Variants in ME1 observed in about 807,000 individuals in gnomAD.
ME1 encodes the protein malic enzyme 1.
Under a neutral mutation model 66.4 loss-of-function variants are expected in ME1, and 74 were observed. That is an observed-to-expected ratio of 1.11 (90% CI 0.92 to 1.35). The LOEUF is 1.35. ME1 is among the 40% of genes most tolerant of loss of function. ME1 has a pLI of 0.00. For synonymous variants in ME1, 251 were observed against 235.6 expected (o/e 1.07, Z -0.60); for missense variants, 750 against 694.1 (o/e 1.08, Z -0.90).
Position 83,347,799 on chromosome 6 carries a change from A to G in ME1, c.439-1465T>C, listed in dbSNP as rs1183742256. ...TATAAAGTTATAGCATTTTAGATGT[A>G]AAGAGAAATCTAAAGTATATTCCAT... is the stretch of plus-strand genomic sequence containing the variant. On this transcript the variant is annotated intron_variant, in intron 4 of 13. Transcript: ENST00000369705. Among the ~76,000 whole-genome samples the G allele has an allele frequency of 3.3e-5, 5 of 152,296 alleles. No homozygotes were observed. In the South Asian group the frequency reaches 6.2e-4, roughly 19 times the overall value.
At chr6:83,276,414 C>G (rs968535053) in intron 6 of ME1, among the ~76,000 whole-genome samples, 4 of 152,152 alleles carry the variant, frequency 2.6e-5, no homozygotes, top group African/African-American at 9.7e-5. Context: ...AGTTGTGATG[C>G]AAAGCATGAC....
chr6:83,287,182 T>C (rs1214886467), intron 6 of ME1, among the ~76,000 whole-genome samples: 1 of 152,202 alleles, frequency 6.6e-6, no homozygotes, highest in Non-Finnish European at 1.5e-5. Context: ...TACTTGAAGT[T>C]CTGGGTTACA....
chr6:83,390,426 AT>A (rs1769599061), intron 3 of ME1, among the ~76,000 whole-genome samples: 1 of 152,172 alleles, frequency 6.6e-6, no homozygotes, highest in Admixed American at 6.5e-5. Flanking sequence ...TAAAAATAAA[AT>A]TCATCTATAT....
rs569024174 is a variant in ME1, at chr6:83,233,982, T to G, written c.1026+3735A>C. Among the ~76,000 whole-genome samples the G allele has an allele frequency of 4.6e-5, 7 of 152,222 alleles. No homozygotes were observed. The South Asian group carries it at 1.5e-3, about 32-fold the overall frequency. On this transcript the variant is annotated intron_variant, in intron 9 of 13. Coordinates refer to ENST00000369705, the MANE Select transcript of ME1 (RefSeq NM_002395.6). ...TTAAATATATAACAACCTTTTAAAA[T>G]GTAATTTTATCTTGGCAAGCAGAAT...
intron 5 of ME1, among the ~76,000 whole-genome samples, chr6:83,331,585 CAA>C (rs1222661961): frequency 3.8e-4 from 28 of 73,176 alleles, no homozygotes; most frequent in Admixed American, 8.1e-4. Context: ...GACTCCATCT[CAA>C]AAAAAAAAAA....
At chr6:83,405,314 CT>C (rs1769918859) in intron 2 of ME1, among the ~76,000 whole-genome samples, 2 of 152,112 alleles carry the variant, frequency 1.3e-5, no homozygotes, top group Admixed American at 1.3e-4. Context: ...GCTTGTCTAT[CT>C]TTGGTGTGAA....
At position 83,299,020 on chromosome 6, in the gene ME1, G is replaced by A. The variant is rs1274732961; in HGVS notation, c.704+16290C>T. Among the ~76,000 whole-genome samples, 3 of 135,466 alleles carry A rather than the reference G, an allele frequency of 2.2e-5. No homozygotes were observed. The Admixed American group carries it at 2.4e-4, about 11-fold the overall frequency. The allele number at this position is 135,466 out of a possible 152,430, so 88.9% of individuals were successfully genotyped here. On this transcript the variant is annotated intron_variant, in intron 6 of 13. Coordinates refer to ENST00000369705, the MANE Select transcript of ME1 (RefSeq NM_002395.6). The stretch of plus-strand genomic sequence containing the variant: ...ACTGTAGCCTTGTGTATAGTTTGAA[G>A]TAGGGTAGTGTGATGCCTCCAGCTT...
intron 6 of ME1, among the ~76,000 whole-genome samples, chr6:83,281,230 T>C (rs537282097): frequency 1.5e-4 from 23 of 152,304 alleles, no homozygotes; most frequent in African/African-American, 4.6e-4. Context: ...GGATGTTTAA[T>C]ATAACCTTTC....
chr6:83,397,118 C>CA (rs1769748403), intron 3 of ME1, among the ~76,000 whole-genome samples: 1 of 151,926 alleles, frequency 6.6e-6, no homozygotes, highest in Non-Finnish European at 1.5e-5. Context: ...TAGGCAAAAG[C>CA]AAAAATAGAC....
intron 6 of ME1, among the ~76,000 whole-genome samples, chr6:83,291,771 T>G (rs1297129973): frequency 6.6e-6 from 1 of 152,186 alleles, no homozygotes; most frequent in African/African-American, 2.4e-5. Flanking sequence ...AAATGTAGAT[T>G]TGGTCTTTTC....
At position 83,363,236 on chromosome 6, in the gene ME1, C is replaced by T. The variant is rs139412177; in HGVS notation, c.363-11097G>A. 2.0e-4 allele frequency among the ~76,000 whole-genome samples: 30 copies of T among 152,196 alleles called. No individual in the cohort carries two copies. In the East Asian group the frequency reaches 4.4e-3, roughly 23 times the overall value. On this transcript the variant is annotated intron_variant, in intron 3 of 13. Coordinates refer to ENST00000369705, the MANE Select transcript of ME1 (RefSeq NM_002395.6). ...GAGGTCTTAGTTCCAGAGGGAGGAA[C>T]GCTGCCACCAGGAGACACAACAACG...
intron 6 of ME1, among the ~76,000 whole-genome samples, chr6:83,287,774 T>G (rs1767424568): frequency 6.6e-6 from 1 of 152,226 alleles, no homozygotes; most frequent in South Asian, 2.1e-4. Context: ...CCAACAATAG[T>G]GTAAAAGCAT....
intron 6 of ME1, among the ~76,000 whole-genome samples, chr6:83,260,474 A>G (rs1766862471): frequency 6.6e-6 from 1 of 152,160 alleles, no homozygotes; most frequent in South Asian, 2.1e-4. Flanking sequence ...TTCTATAGGT[A>G]AATTCATGTT....
intron 6 of ME1, among the ~76,000 whole-genome samples, chr6:83,264,438 T>C (rs1766950939): frequency 6.6e-6 from 1 of 152,150 alleles, no homozygotes; most frequent in Admixed American, 6.5e-5. Context: ...ATATAGAAAA[T>C]GCACTTCCTA....
At chr6:83,385,978 G>T (rs1769496532) in intron 3 of ME1, among the ~76,000 whole-genome samples, 1 of 151,606 alleles carries the variant, frequency 6.6e-6, no homozygotes, top group African/African-American at 2.4e-5. Flanking sequence ...ATCAACTGAG[G>T]TAACAGTTAA....
intron 5 of ME1, among the ~76,000 whole-genome samples, chr6:83,326,256 A>C (rs994254622): frequency 3.3e-5 from 5 of 152,212 alleles, no homozygotes; most frequent in African/African-American, 9.6e-5. Context: ...TGGATTAAAG[A>C]TTTAAACATA....
intron 7 of ME1, among the ~76,000 whole-genome samples, chr6:83,245,236 T>C (rs1339605093): frequency 2.0e-5 from 3 of 151,904 alleles, no homozygotes; most frequent in Non-Finnish European, 4.4e-5. Flanking sequence ...GGGAAGAAAA[T>C]AGAATGGAGG....
chr6:83,373,396 C>A (rs1384914794), intron 3 of ME1, among the ~76,000 whole-genome samples: 1 of 152,042 alleles, frequency 6.6e-6, no homozygotes, highest in Admixed American at 6.6e-5. Context: ...CCAACAAGCC[C>A]AGCTAATTTT....
intron 6 of ME1, among the ~76,000 whole-genome samples, chr6:83,301,336 C>CTCTT (rs35826969): frequency 4.6e-4 from 57 of 123,570 alleles, no homozygotes; most frequent in African/African-American, 9.3e-4. Context: ...CTCTCTCTCT[C>CTCTT]TCTTTCTTTC....
Sources: gnomAD v4.1 joint callset for allele counts (sites outside exome capture counted in the v4.1 genomes callset) on GRCh38, gnomAD v4.1.1 for gene constraint, MANE v1.5 for transcripts, NCBI Gene and HGNC (gene_info 2026-07-23, HGNC 2026-07-21) for gene names.